PAX5: variants seen among roughly 807,000 people sequenced by gnomAD.
PAX5 encodes paired box protein Pax-5.
PAX5 carries 9 observed loss-of-function variants against 43.7 expected under a neutral mutation model. The observed-to-expected ratio is 0.21, with a 90% CI of 0.12 to 0.36. The LOEUF (loss-of-function observed/expected upper bound fraction) is 0.36, where lower values mean the gene tolerates loss of function less well. Ranked by LOEUF, PAX5 falls within the 10% of genes least tolerant of loss-of-function variation. The probability of loss-of-function intolerance (pLI) is 1.00; values close to 1 mark genes in which losing one functional copy is unlikely to be tolerated. For synonymous variants in PAX5, 228 were observed against 214.3 expected, an observed-to-expected ratio of 1.06 and a Z score of -0.56; for missense variants, 383 against 532.7, an observed-to-expected ratio of 0.72 and a Z score of 2.77.
intron 9 of PAX5, among the ~76,000 whole-genome samples, chr9:36,845,775 C>T (rs138081004): frequency 6.6e-6 from 1 of 152,238 alleles, no homozygotes; most frequent in African/African-American, 2.4e-5. Flanking sequence ...TTTCACAGAC[C>T]TATGGTTTGG....
At chr9:36,877,053 G>A (rs1825975105) in intron 8 of PAX5, among the ~76,000 whole-genome samples, 1 of 152,222 alleles carries the variant, frequency 6.6e-6, no homozygotes, top group Non-Finnish European at 1.5e-5. Context: ...AAATGAAGTG[G>A]TGGCCGGGCA....
chr9:36,882,283 C>A lies in PAX5; in HGVS notation c.911-178G>T, dbSNP rs1826511713. On this transcript the variant is annotated intron_variant, in intron 7 of 9. Transcript: ENST00000358127. This position sits in a 1 kb window ranked among gnomAD's most constrained non-coding sequence, Gnocchi z 4.4. ...AAACACACATACACACACACACACA[C>A]ACACACACACACTCATGCACACACA... Among the ~76,000 whole-genome samples the A allele has an allele frequency of 6.6e-6, 1 of 152,050 alleles. No individual in the cohort carries two copies. The highest frequency in any genetic ancestry group is 2.1e-4 in the South Asian group (1 of 4,828).
At chr9:36,855,847 T>G (rs149401541) in intron 8 of PAX5, among the ~76,000 whole-genome samples, 152 of 152,294 alleles carry the variant, frequency 1.0e-3, no homozygotes, top group African/African-American at 3.4e-3. Flanking sequence ...ACCACCTTCC[T>G]TCCCTTCCTC....
At chr9:36,906,626 CAGG>C (rs1828844231) in intron 7 of PAX5, among the ~76,000 whole-genome samples, 1 of 152,182 alleles carries the variant, frequency 6.6e-6, no homozygotes, top group South Asian at 2.1e-4. Context: ...CTGGAAACTG[CAGG>C]AGGTCAATGG....
At chr9:37,004,087 G>A (rs192393337) in intron 4 of PAX5, among the ~76,000 whole-genome samples, 7 of 152,312 alleles carry the variant, frequency 4.6e-5, no homozygotes, top group Admixed American at 6.5e-5. Flanking sequence ...AATAAACAGC[G>A]GCACCAGAAC....
intron 1 of PAX5, among the ~76,000 whole-genome samples, chr9:37,025,524 G>C (rs1489035596): frequency 6.6e-6 from 1 of 152,204 alleles, no homozygotes; most frequent in Non-Finnish European, 1.5e-5. Context: ...CACCCGAGCC[G>C]AGGCTGCCGA....
At chr9:36,956,637 T>C (rs929088917) in intron 6 of PAX5, among the ~76,000 whole-genome samples, 2 of 152,220 alleles carry the variant, frequency 1.3e-5, no homozygotes, top group African/African-American at 4.8e-5. Flanking sequence ...GGAGCTGTCC[T>C]TGTGCTTGGT....
In PAX5 at chr9:36,877,546, G is replaced by T. The variant is rs80025170; in HGVS notation, c.1012+4458C>A. Reference sequence around the variant, plus strand: ...CAACCTCAGAGAGACAAAAGCAAGAGACACAGGTGTCCCAGAGCCTTGCTT... The same window carrying T: ...CAACCTCAGAGAGACAAAAGCAAGATACACAGGTGTCCCAGAGCCTTGCTT... On this transcript the variant is annotated intron_variant, in intron 8 of 9. Transcript: ENST00000358127. 5.9e-3 allele frequency among the ~76,000 whole-genome samples: 906 copies of T among 152,288 alleles called. 4 individuals carry two copies. The highest frequency in any genetic ancestry group is 9.3e-3 in the Non-Finnish European group (634 of 68,026).
At chr9:37,025,329 C>T (rs1245281807) in intron 1 of PAX5, among the ~76,000 whole-genome samples, 1 of 152,164 alleles carries the variant, frequency 6.6e-6, no homozygotes, top group African/African-American at 2.4e-5. Context: ...CATGCTCGCC[C>T]CGGGAAGCTC....
rs1288365362 is a variant in PAX5 at position 36,839,038 on chromosome 9, A to C, written c.*1522T>G. The C allele has an allele frequency of 4.3e-6, 1 of 233,204 alleles. No individual in the cohort carries two copies. The highest frequency in any genetic ancestry group is 8.5e-6 in the Non-Finnish European group (1 of 118,072). 14.4% of individuals were successfully genotyped at this position (233,204 alleles called of 1,614,324 possible). A position where few individuals can be genotyped will look rare whatever the true frequency, so the allele number is the denominator to read the frequency against. On this transcript the variant is annotated 3_prime_UTR_variant, in exon 10 of 10. Coordinates refer to ENST00000358127, the MANE Select transcript of PAX5 (RefSeq NM_016734.3). ...ACTGTCATTCAGCCCAGGTTTGGAC[A>C]AGGGCTCTACCTGGCTGTTCTGACT...
intron 6 of PAX5, among the ~76,000 whole-genome samples, chr9:36,958,165 T>C (rs181548786): frequency 6.6e-6 from 1 of 152,292 alleles, no homozygotes; most frequent in East Asian, 1.9e-4. Flanking sequence ...GTGGGCGTCA[T>C]ACTCATCCAT....
chr9:36,931,678 ATC>A lies in PAX5; in HGVS notation c.781-8196_781-8195del, dbSNP rs1018969872. Among the ~76,000 whole-genome samples, 3 of 152,040 alleles carry A rather than the reference ATC, an allele frequency of 2.0e-5. No individual in the cohort carries two copies. The South Asian group carries it at 6.3e-4, about 32-fold the overall frequency. ...AGCCTGGCCAACACGGTGAAACCCC[ATC>A]TCTACTATAAATAAAAAAATCAGCC... On this transcript the variant is annotated intron_variant, in intron 6 of 9. Coordinates refer to ENST00000358127, the MANE Select transcript of PAX5 (RefSeq NM_016734.3).
intron 4 of PAX5, among the ~76,000 whole-genome samples, 175 bp downstream of exon 4, chr9:37,006,298 G>A (rs1422982620): frequency 6.6e-6 from 1 of 152,040 alleles, no homozygotes; most frequent in African/African-American, 2.4e-5. Flanking sequence ...CCTTTTAGCA[G>A]TATTTATAAA....
intron 2 of PAX5, 143 bp downstream of exon 2, chr9:37,020,493 T>C (rs1839762252): frequency 1.2e-6 from 1 of 827,542 alleles, no homozygotes; most frequent in Admixed American, 2.3e-5. Flanking sequence ...GAATTGGGGC[T>C]TTGCAGACTT....
rs1393330119 is a variant in PAX5, at chr9:36,929,927, T to C, written c.781-6443A>G. Among the ~76,000 whole-genome samples the C allele has an allele frequency of 2.0e-5, 3 of 152,264 alleles. No individual in the cohort carries two copies. In the East Asian group the frequency reaches 5.8e-4, roughly 29 times the overall value. On this transcript the variant is annotated intron_variant, in intron 6 of 9. Coordinates refer to ENST00000358127, the MANE Select transcript of PAX5 (RefSeq NM_016734.3). ...TTTGAGTAGAGATGGGGTTTCACCATGTTAGTCAGGTTGGTCTTGAACTTC... is the reference window on the plus strand; with the variant it reads ...TTTGAGTAGAGATGGGGTTTCACCACGTTAGTCAGGTTGGTCTTGAACTTC...
At position 37,027,950 on chromosome 9, in the gene PAX5, A is replaced by G. The variant is rs543970973; in HGVS notation, c.46+6036T>C. Among the ~76,000 whole-genome samples, 4 of 152,320 alleles carry G rather than the reference A, an allele frequency of 2.6e-5. No individual in the cohort carries two copies. In the East Asian group the frequency reaches 7.7e-4, roughly 29 times the overall value. ...AACGCGCTGGACTAAGGCCTAGTGG[A>G]TCGCGGCTGTGGGGAGGGGAAAGGG... On this transcript the variant is annotated intron_variant, in intron 1 of 9. Coordinates refer to ENST00000358127, the MANE Select transcript of PAX5 (RefSeq NM_016734.3).
chr9:36,945,297 A>C (rs905284340), intron 6 of PAX5, among the ~76,000 whole-genome samples: 2 of 152,074 alleles, frequency 1.3e-5, no homozygotes, highest in African/African-American at 2.4e-5. Flanking sequence ...GCTGAAGTAC[A>C]GTGGCACAAT....
intron 5 of PAX5, among the ~76,000 whole-genome samples, chr9:37,000,587 T>G (rs937735777): frequency 6.6e-6 from 1 of 152,144 alleles, no homozygotes; most frequent in Non-Finnish European, 1.5e-5. Flanking sequence ...ACACCGTGTC[T>G]ATTTATTAAG....
chr9:36,872,145 G>T (rs548175443), intron 8 of PAX5, among the ~76,000 whole-genome samples: 71 of 152,264 alleles, frequency 4.7e-4, no homozygotes, highest in Non-Finnish European at 9.0e-4. Context: ...GCAGTTTCTG[G>T]GCCTTCCCGA....
Sources: gnomAD v4.1 joint callset for allele counts (sites outside exome capture counted in the v4.1 genomes callset) on GRCh38, gnomAD v4.1.1 for gene constraint, Gnocchi (gnomAD v3.1) non-coding constraint, MANE v1.5 for transcripts, NCBI Gene and HGNC (gene_info 2026-07-23, HGNC 2026-07-21) for gene names.